Variants in SUCNR1 observed in about 807,000 individuals in gnomAD.
SUCNR1 encodes the protein G-protein coupled receptor 91.
A neutral mutation model predicts 2.4 loss-of-function variants in SUCNR1; 5 were observed. The observed-to-expected ratio is 2.07, with a 90% confidence interval of 1.08 to 4.36. SUCNR1 has a LOEUF of 4.36. Among genes scored for constraint, SUCNR1 ranks in the 30% most tolerant of loss-of-function variants. The probability of loss-of-function intolerance (pLI) is 0.00; values close to 1 mark genes in which losing one functional copy is unlikely to be tolerated. For missense variants in SUCNR1, 373 were observed against 399.2 expected, an observed-to-expected ratio of 0.93 and a Z score of 0.56; for synonymous variants, 162 against 143.9, an observed-to-expected ratio of 1.13 and a Z score of -0.90.
rs80251978 is a variant in SUCNR1, at chr3:151,877,817, T to C, written c.-41-2035T>C. Among the ~76,000 whole-genome samples, 2,527 of 152,212 alleles carry C rather than the reference T, an allele frequency of 0.017. 112 individuals are homozygous for C. In the East Asian group the frequency reaches 0.18, roughly 11 times the overall value. ...GCTGGGCTGGAAATCTGGGAGTTGT[T>C]GATGTATAGTTGGTCATTAAACCTC... On this transcript the variant is annotated intron_variant, in intron 1 of 2. Transcript: ENST00000362032.
Position 151,880,906 on chromosome 3 carries a change from C to G in SUCNR1, c.363C>G (p.Tyr121Ter). The part of the protein sequence containing the change: ...LFLTFISIDR[Y>*]LIIKYPFREH... ...TCACTTTTATCAGCATAGATCGATA[C>G]TTGATAATTAAGTATCCTTTCCGAG... The change falls in exon 3 of 3, where the codon TAC (tyrosine) becomes TAG (stop). Residue 121 changes from tyrosine to a stop codon, truncating the protein, a stop_gained. Coordinates refer to ENST00000362032, the MANE Select transcript of SUCNR1 (RefSeq NM_033050.6). LOFTEE classifies it low-confidence loss of function (END_TRUNC). 2 of 1,614,070 alleles carry G rather than the reference C, an allele frequency of 1.2e-6. No homozygotes were observed. The highest frequency in any genetic ancestry group is 1.7e-6 in the Non-Finnish European group (2 of 1,180,008).
rs1246146223 is a variant in SUCNR1, at chr3:151,881,625, CAG to C, written c.*82_*83del. The C allele has an allele frequency of 7.7e-7, 1 of 1,292,074 alleles. No individual in the cohort carries two copies. Among genetic ancestry groups the C allele is most frequent in the East Asian group, 2.3e-5 (1 of 43,176 alleles). The allele number at this position is 1,292,074 out of a possible 1,614,324, so 80.0% of individuals were successfully genotyped here. ...TTTGCCTTAACTCATAGACATCAAT[CAG>C]AGAGTGTCACAGATTTAACCTTGAT... is the stretch of plus-strand genomic sequence containing the variant. On this transcript the variant is annotated 3_prime_UTR_variant, in exon 3 of 3. Coordinates refer to ENST00000362032, the MANE Select transcript of SUCNR1 (RefSeq NM_033050.6).
chr3:151,881,447 T>C lies in SUCNR1; in HGVS notation c.904T>C (p.Phe302Leu). 1 of 1,614,106 alleles carries C rather than the reference T, an allele frequency of 6.2e-7. No individual in the cohort carries two copies. The highest frequency in any genetic ancestry group is 1.6e-4 in the Middle Eastern group (1 of 6,062). ...PVFYFLLGDH[F>L]RDMLMNQLRH... is the part of the protein sequence containing the mutation. ...CTTCTATTTTCTTTTGGGAGATCAC[T>C]TCAGGGACATGCTGATGAATCAACT... The change falls in exon 3 of 3, where the codon TTC becomes CTC. Residue 302 changes from phenylalanine to leucine, a missense_variant. This residue lies in a region of SUCNR1 where 157 missense variants were observed against 178.7 expected (regional missense o/e 0.88). Coordinates refer to ENST00000362032, the MANE Select transcript of SUCNR1 (RefSeq NM_033050.6).
At position 151,884,340 on chromosome 3, in the gene SUCNR1, G is replaced by A. The variant is rs749545757; in HGVS notation, c.*2792G>A. The A allele has an allele frequency of 6.6e-6, 1 of 152,186 alleles. No homozygotes were observed. The highest frequency in any genetic ancestry group is 1.5e-5 in the Non-Finnish European group (1 of 68,030). The allele number at this position is 152,186 out of a possible 1,614,324, so 9.4% of individuals were successfully genotyped here. A position where few individuals can be genotyped will look rare whatever the true frequency, so the allele number is the denominator to read the frequency against. On this transcript the variant is annotated 3_prime_UTR_variant, in exon 3 of 3. Transcript: ENST00000362032. The stretch of plus-strand genomic sequence containing the variant: ...CACTGCCTCACATTTTCCTTTAGAT[G>A]TTTGAGCATAGTTTTAATGACTGTT...
chr3:151,874,146 A>ATATATTTTTT (rs1261567808), intron 1 of SUCNR1, among the ~76,000 whole-genome samples: 1 of 60,214 alleles, frequency 1.7e-5, no homozygotes, highest in South Asian at 7.1e-4. Context: ...ATATATATAT[A>ATATATTTTTT]TTTTTTTTTT....
chr3:151,877,179 T>C (rs1717948973), intron 1 of SUCNR1, among the ~76,000 whole-genome samples: 1 of 152,066 alleles, frequency 6.6e-6, no homozygotes, highest in Non-Finnish European at 1.5e-5. Context: ...TCTCTGTGCA[T>C]TCAAAGAGCA....
chr3:151,879,904 C>G lies in SUCNR1; in HGVS notation c.12C>G (p.Ile4Met). 9.5e-6 allele frequency: 15 copies of G among 1,582,020 alleles called. No homozygotes were observed. Among genetic ancestry groups the G allele is most frequent in the Non-Finnish European group, 1.3e-5 (15 of 1,163,378 alleles). Reference protein sequence around the residue: MLGIMAWNATCKNW... With the variant: MLGMMAWNATCKNW... ...TGAACAACTACGACATGCTGGGGAT[C>G]ATGGTATGTTTAGAGACACAAAAGT... Residue 4 changes from isoleucine to methionine, a missense_variant, in exon 2 of 3, where the codon ATC becomes ATG. This residue lies in a region of SUCNR1 where 184 missense variants were observed against 162.2 expected (regional missense o/e 1.13). Coordinates refer to ENST00000362032, the MANE Select transcript of SUCNR1 (RefSeq NM_033050.6).
At chr3:151,874,794 T>C (rs1257670620) in intron 1 of SUCNR1, among the ~76,000 whole-genome samples, 1 of 152,110 alleles carries the variant, frequency 6.6e-6, no homozygotes, top group Non-Finnish European at 1.5e-5. Flanking sequence ...TGTGAATATA[T>C]ATTTTTGCTC....
chr3:151,880,946 A>C lies in SUCNR1; in HGVS notation c.403A>C (p.Lys135Gln). The change falls in exon 3 of 3, where the codon AAG (lysine) becomes CAG (glutamine). Residue 135 changes from lysine to glutamine, a missense_variant. This residue lies in a region of SUCNR1 where 184 missense variants were observed against 162.2 expected (regional missense o/e 1.13). Transcript: ENST00000362032. ...KYPFREHLLQKKEFAILISLA... is the reference protein window; with the variant it reads ...KYPFREHLLQQKEFAILISLA... ...TCCTTTCCGAGAACACCTTCTGCAA[A>C]AGAAAGAGTTTGCTATTTTAATCTC... The C allele has an allele frequency of 6.2e-7, 1 of 1,614,018 alleles. No homozygotes were observed.
At chr3:151,879,619 T>TA (rs2108066780) in intron 1 of SUCNR1, among the ~76,000 whole-genome samples, 2 of 152,314 alleles carry the variant, frequency 1.3e-5, no homozygotes, top group South Asian at 4.1e-4. Context: ...TTCTTTTTTT[T>TA]ATAAATTACT....
chr3:151,876,543 A>T (rs1168373159), intron 1 of SUCNR1, among the ~76,000 whole-genome samples: 1 of 152,128 alleles, frequency 6.6e-6, no homozygotes, highest in Non-Finnish European at 1.5e-5. Flanking sequence ...ATCATTAGAG[A>T]TAAAGCTATT....
intron 1 of SUCNR1, 38 bp from the exon 2 acceptor site, chr3:151,879,814 G>A: frequency 1.0e-6 from 1 of 965,258 alleles, no homozygotes; most frequent in Non-Finnish European, 1.5e-6. Flanking sequence ...TTAAAATAGT[G>A]AGACTGAAGT....
At chr3:151,876,643 C>A (rs1196539678) in intron 1 of SUCNR1, among the ~76,000 whole-genome samples, 1 of 151,938 alleles carries the variant, frequency 6.6e-6, no homozygotes, top group East Asian at 1.9e-4. Context: ...TAAAATTTAT[C>A]CTGGTAGATA....
At position 151,884,143 on chromosome 3, in the gene SUCNR1, T is replaced by TAA. The variant is rs1259372097; in HGVS notation, c.*2598_*2599dup. ...TATTGTCTTCATAGCTGAGTACTCT[T>TAA]AAAATTACTGTTTATTATAAGTGAA... On this transcript the variant is annotated 3_prime_UTR_variant, in exon 3 of 3. Transcript: ENST00000362032. The TAA allele has an allele frequency of 2.0e-5, 3 of 152,250 alleles. No individual in the cohort carries two copies. The highest frequency in any genetic ancestry group is 7.2e-5 in the African/African-American group (3 of 41,470). 9.4% of individuals were successfully genotyped at this position (152,250 alleles called of 1,614,324 possible).
At chr3:151,880,077 T>G (rs1329318219) in intron 2 of SUCNR1, among the ~76,000 whole-genome samples, 170 bp downstream of exon 2, 1 of 152,194 alleles carries the variant, frequency 6.6e-6, no homozygotes, top group Non-Finnish European at 1.5e-5. Context: ...TATAGATATG[T>G]CTCTTTCACT....
chr3:151,874,150 T>A (rs1454529029), intron 1 of SUCNR1, among the ~76,000 whole-genome samples: 230 of 49,920 alleles, frequency 4.6e-3, no homozygotes, highest in African/African-American at 0.019. Flanking sequence ...ATATATATTT[T>A]TTTTTTTTTT....
chr3:151,879,971 C>T (rs1718039969), intron 2 of SUCNR1, 64 bp downstream of exon 2: 1 of 1,306,826 alleles, frequency 7.7e-7, no homozygotes, highest in South Asian at 1.4e-5. Context: ...CATACGTTCC[C>T]TTTGTTTCTT....
rs1370730780 is a variant in SUCNR1 at position 151,883,964 on chromosome 3, C to T, written c.*2416C>T. 1.3e-5 allele frequency: 2 copies of T among 152,164 alleles called. No individual in the cohort carries two copies. The highest frequency in any genetic ancestry group is 2.9e-5 in the Non-Finnish European group (2 of 68,020). 9.4% of individuals were successfully genotyped at this position (152,164 alleles called of 1,614,324 possible). ...ACCTGAATGGTATAATAATTCTAAA[C>T]AACTTTCAAGGTTCATCTCATCTGT... On this transcript the variant is annotated 3_prime_UTR_variant, in exon 3 of 3. Coordinates refer to ENST00000362032, the MANE Select transcript of SUCNR1 (RefSeq NM_033050.6).
At chr3:151,874,711 C>A (rs1717870485) in intron 1 of SUCNR1, among the ~76,000 whole-genome samples, 1 of 151,846 alleles carries the variant, frequency 6.6e-6, no homozygotes, top group African/African-American at 2.4e-5. Flanking sequence ...CTTTTTAATA[C>A]CTTAATTTCT....
Sources: allele counts gnomAD v4.1 joint callset (sites outside exome capture counted in the v4.1 genomes callset), GRCh38; gene constraint gnomAD v4.1.1; regional missense constraint gnomAD v4.1.1; transcripts MANE v1.5; gene names NCBI Gene and HGNC (gene_info 2026-07-23, HGNC 2026-07-21).